TUBGCP6: variants seen among roughly 807,000 people sequenced by gnomAD.
TUBGCP6 encodes the protein tubulin gamma complex component 6, also known as gamma-tubulin complex component 6.
Under a neutral mutation model 175.8 loss-of-function variants are expected in TUBGCP6, and 161 were observed. The ratio of observed to expected loss-of-function variants is 0.92; its 90% CI spans 0.81 to 1.04. The LOEUF (loss-of-function observed/expected upper bound fraction) is 1.04, where lower values mean the gene tolerates loss of function less well. Among genes scored for constraint, TUBGCP6 ranks in the 50% least tolerant of loss-of-function variants. The pLI is 0.00. For missense variants in TUBGCP6, 2,572 were observed against 2,433.0 expected (o/e 1.06, Z -1.20); for synonymous variants, 1,173 against 1,030.5 (o/e 1.14, Z -2.65).
chr22:50,241,012 AAG>A (rs1193312660), intron 1 of TUBGCP6, among the ~76,000 whole-genome samples: 5 of 152,264 alleles, frequency 3.3e-5, no homozygotes, highest in African/African-American at 1.2e-4. Flanking sequence ...GTGCCGAGGC[AAG>A]AGACCGAGGG....
In TUBGCP6 at chr22:50,244,127, C is replaced by T. The variant is rs2064886135; in HGVS notation, c.333G>A (p.Leu111=). The T allele has an allele frequency of 3.1e-6, 5 of 1,613,444 alleles. No homozygotes were observed. The highest frequency in any genetic ancestry group is 1.1e-5 in the South Asian group (1 of 91,086). ...CCPLLEVGSV[L]DLLVQLAGSG... is the part of the protein sequence containing the mutation. ...TCCCTGCCAGCTGAACCAGGAGGTC[C>T]AAAACAGACCCCACCTCCAAAAGCG... The change falls in exon 1 of 25, where the codon TTG becomes TTA. Residue 111 remains leucine (L), a synonymous_variant. Coordinates refer to ENST00000248846, the MANE Select transcript of TUBGCP6 (RefSeq NM_020461.4).
rs767171403 is a variant in TUBGCP6 at position 50,217,700 on chromosome 22, A to G, written c.*36T>C. ...GAGAGAGCTGCAGACAGGGTCCGAG[A>G]ACACCTTTATTGTGCACGTCCCCCG... On this transcript the variant is annotated 3_prime_UTR_variant, in exon 25 of 25. Coordinates refer to ENST00000248846, the MANE Select transcript of TUBGCP6 (RefSeq NM_020461.4). The G allele has an allele frequency of 1.6e-5, 25 of 1,595,176 alleles. No homozygotes were observed. The highest frequency in any genetic ancestry group is 2.0e-5 in the Non-Finnish European group (23 of 1,166,440).
Position 50,226,339 on chromosome 22 carries a change from G to A in TUBGCP6, c.1641C>T (p.Asp547=), listed in dbSNP as rs762716190. 86 of 1,613,334 alleles carry A rather than the reference G, an allele frequency of 5.3e-5. No individual in the cohort carries two copies. Among genetic ancestry groups the A allele is most frequent in the East Asian group, 1.3e-4 (6 of 44,868 alleles). Residue 547 remains aspartate, a synonymous_variant, in exon 8 of 25, where the codon GAC becomes GAT. Transcript: ENST00000248846. The part of the protein sequence containing the change: ...HDWVYSGVFR[D]AYGEFMIQVN... ...CCTGAATCATGAACTCGCCATAAGCGTCTCTGAACACCCCGCTGTACACCC... is the reference window on the plus strand; with the variant it reads ...CCTGAATCATGAACTCGCCATAAGCATCTCTGAACACCCCGCTGTACACCC...
rs576428992 is a variant in TUBGCP6, at chr22:50,219,858, A to G, written c.4168-67T>C. Reference sequence around the variant, plus strand: ...CTGTCCCCACAACCAGCTTGTGCCAAAAAAAGGAAAATCGCATGTGGGACC... The same window carrying G: ...CTGTCCCCACAACCAGCTTGTGCCAGAAAAAGGAAAATCGCATGTGGGACC... On this transcript the variant is annotated intron_variant, in intron 17 of 24. Transcript: ENST00000248846. 8.7e-6 allele frequency: 14 copies of G among 1,603,632 alleles called. No individual in the cohort carries two copies. The South Asian group carries it at 1.2e-4, about 14-fold the overall frequency.
In TUBGCP6 at chr22:50,217,946, G is replaced by T. The variant is rs746411277; in HGVS notation, c.5340C>A (p.Phe1780Leu). The change falls in exon 24 of 25, where the codon TTC becomes TTA. Residue 1780 changes from phenylalanine to leucine, a missense_variant. Coordinates refer to ENST00000248846, the MANE Select transcript of TUBGCP6 (RefSeq NM_020461.4). ...TGAAGAGAAAGTGGGAGTAGTACTT[G>T]AAGGTGTTGTAGGACTGCTGCATGA... Reference protein sequence around the residue: ...FALMQQSYNTFKYYSHFLFKV... With the variant: ...FALMQQSYNTLKYYSHFLFKV... 14 of 1,608,990 alleles carry T rather than the reference G, an allele frequency of 8.7e-6. No homozygotes were observed. The highest frequency in any genetic ancestry group is 1.2e-5 in the Non-Finnish European group (14 of 1,177,408).
At position 50,219,692 on chromosome 22, in the gene TUBGCP6, C is replaced by G. The variant is rs1478424333; in HGVS notation, c.4267G>C (p.Ala1423Pro). 1 of 1,613,672 alleles carries G rather than the reference C, an allele frequency of 6.2e-7. No homozygotes were observed. Reference protein sequence around the residue: ...GGEQAYLAGLAGQYHLERYPD... With the variant: ...GGEQAYLAGLPGQYHLERYPD... ...TACCGCTCCAAGTGGTACTGCCCTG[C>G]CAGGCCTGCCAGGTAGGCCTGCTCC... is the stretch of plus-strand genomic sequence containing the variant. Residue 1423 changes from alanine (A) to proline (P), a missense_variant, in exon 18 of 25, where the codon GCA becomes CCA. Transcript: ENST00000248846.
rs573140520 is a variant in TUBGCP6, at chr22:50,226,891, GGAGT to G, written c.1492-53_1492-50del. 9,424 of 1,550,912 alleles carry G rather than the reference GGAGT, an allele frequency of 6.1e-3. 40 individuals are homozygous for G. The highest frequency in any genetic ancestry group is 7.4e-3 in the Middle Eastern group (43 of 5,822). ...GGGCAGCTCAGCGCACCCAGCGCTGGGAGTGAGGCGCAGCCCTGCCGGCAGCAGC... is the reference window on the plus strand; with the variant it reads ...GGGCAGCTCAGCGCACCCAGCGCTGGGAGGCGCAGCCCTGCCGGCAGCAGC... On this transcript the variant is annotated intron_variant, in intron 6 of 24. Transcript: ENST00000248846.
rs909092761 is a variant in TUBGCP6 at position 50,218,998 on chromosome 22, C to T, written c.4626+70G>A. The T allele has an allele frequency of 2.7e-5, 43 of 1,596,246 alleles. No homozygotes were observed. The African/African-American group carries it at 2.8e-4, about 10-fold the overall frequency. On this transcript the variant is annotated intron_variant, in intron 20 of 24. Transcript: ENST00000248846. Reference sequence around the variant, plus strand: ...TGCCAGAGCAGCAGGGGGCTGTGGGCGTGCAGCCAGTCTCTCTTTTCCCAC... The same window carrying T: ...TGCCAGAGCAGCAGGGGGCTGTGGGTGTGCAGCCAGTCTCTCTTTTCCCAC...
intron 2 of TUBGCP6, among the ~76,000 whole-genome samples, chr22:50,235,262 A>ATGG (rs1601602699): frequency 1.3e-5 from 2 of 152,168 alleles, no homozygotes; most frequent in East Asian, 3.9e-4. Context: ...ATCCCTGTCC[A>ATGG]CGGCAACATC....
intron 3 of TUBGCP6, among the ~76,000 whole-genome samples, chr22:50,231,435 C>G (rs540875738): frequency 6.6e-6 from 1 of 151,004 alleles, no homozygotes; most frequent in Admixed American, 6.6e-5. Flanking sequence ...GCCTGGGCGA[C>G]AGAGTGAGAA....
chr22:50,218,197 G>T lies in TUBGCP6; in HGVS notation c.5160C>A (p.Ala1720=). 1 of 1,611,712 alleles carries T rather than the reference G, an allele frequency of 6.2e-7. No individual in the cohort carries two copies. The highest frequency in any genetic ancestry group is 1.1e-5 in the South Asian group (1 of 91,078). The part of the protein sequence containing the change: ...QRAHAEYLHK[A]VFRGLLTEKA... Reference sequence around the variant, plus strand: ...CGCTGCCCAGGCCTCACCTGAAGACGGCCTTGTGCAGGTACTCTGCGTGCG... The same window carrying T: ...CGCTGCCCAGGCCTCACCTGAAGACTGCCTTGTGCAGGTACTCTGCGTGCG... Residue 1720 remains alanine (A), a synonymous_variant, in exon 23 of 25, where the codon GCC becomes GCA. Transcript: ENST00000248846.
intron 2 of TUBGCP6, among the ~76,000 whole-genome samples, chr22:50,233,858 G>A (rs2064725515): frequency 6.6e-6 from 1 of 152,000 alleles, no homozygotes; most frequent in African/African-American, 2.4e-5. Flanking sequence ...CCCTCAAGAT[G>A]GTGATTCACT....
At position 50,220,435 on chromosome 22, in the gene TUBGCP6, C is replaced by A. The variant is rs2064498169; in HGVS notation, c.3924G>T (p.Leu1308=). The change falls in exon 16 of 25, where the codon CTG becomes CTT. Residue 1308 remains leucine (L), a synonymous_variant. Transcript: ENST00000248846. ...AGTCCAGCACAGTGCTCTGTGCTCC[C>A]AGGCTGAGCGCTGACTGGGACGTGT... ...PGHTSQSALS[L]GAQSTVLDCG... is the part of the protein sequence containing the mutation. The A allele has an allele frequency of 6.2e-7, 1 of 1,611,156 alleles. No homozygotes were observed.
At chr22:50,239,477 G>A (rs746793597) in intron 2 of TUBGCP6, among the ~76,000 whole-genome samples, 15 of 152,158 alleles carry the variant, frequency 9.9e-5, no homozygotes, top group Non-Finnish European at 1.9e-4. Context: ...GCGCCCAGGC[G>A]AAATGCATAT....
intron 3 of TUBGCP6, among the ~76,000 whole-genome samples, chr22:50,232,896 G>A (rs907355072): frequency 8.5e-5 from 13 of 152,228 alleles, no homozygotes; most frequent in Non-Finnish European, 1.8e-4. Context: ...GCCAGAACCA[G>A]TAAGGCCCGG....
In TUBGCP6 at chr22:50,220,269, T is replaced by A. The variant is rs5771107; in HGVS notation, c.4090A>T (p.Ser1364Cys). 224,807 of 1,560,360 alleles carry A rather than the reference T, an allele frequency of 0.14. 17,389 individuals are homozygous for A. The highest frequency in any genetic ancestry group is 0.26 in the East Asian group (11,667 of 44,208). Reference protein sequence around the residue: ...QPWWPNTPGDSVSEELGPGRS... With the variant: ...QPWWPNTPGDCVSEELGPGRS... ...CTCTGACCTAGTTCTTCAGAGACAC[T>A]GTCTCCCGGGGTGTTGGGCCACCAT... Residue 1364 changes from serine to cysteine, a missense_variant, in exon 16 of 25, where the codon AGT becomes TGT. Transcript: ENST00000248846.
rs781172137 is a variant in TUBGCP6 at position 50,219,675 on chromosome 22, C to T, written c.4284G>A (p.Leu1428=). 5 of 1,613,652 alleles carry T rather than the reference C, an allele frequency of 3.1e-6. No homozygotes were observed. The highest frequency in any genetic ancestry group is 4.2e-6 in the Non-Finnish European group (5 of 1,180,002). The change falls in exon 18 of 25, where the codon TTG becomes TTA. Residue 1428 remains leucine (L), a synonymous_variant. Transcript: ENST00000248846. ...ACTCGTAACTGTCCGGGTACCGCTC[C>T]AAGTGGTACTGCCCTGCCAGGCCTG... The part of the protein sequence containing the change: ...YLAGLAGQYH[L]ERYPDSYESM...
chr22:50,239,961 C>T (rs1213265872), intron 2 of TUBGCP6, among the ~76,000 whole-genome samples: 1 of 152,052 alleles, frequency 6.6e-6, no homozygotes, highest in Non-Finnish European at 1.5e-5. Flanking sequence ...GGGAGTTCTG[C>T]CCGACAGGTG....
intron 1 of TUBGCP6, among the ~76,000 whole-genome samples, chr22:50,242,909 G>A (rs904727349): frequency 1.3e-5 from 2 of 152,314 alleles, no homozygotes; most frequent in African/African-American, 4.8e-5. Flanking sequence ...TTGGCCGGCA[G>A]GTGGGCAGCA....
Sources: gnomAD v4.1 joint callset for allele counts (sites outside exome capture counted in the v4.1 genomes callset) on GRCh38, gnomAD v4.1.1 for gene constraint, MANE v1.5 for transcripts, NCBI Gene and HGNC (gene_info 2026-07-23, HGNC 2026-07-21) for gene names.